ATRNL1: variants seen among roughly 807,000 people sequenced by gnomAD.
The protein encoded by ATRNL1 is attractin like 1.
Under a neutral mutation model 182.7 loss-of-function variants are expected in ATRNL1, and 95 were observed. The ratio of observed to expected loss-of-function variants is 0.52; its 90% CI spans 0.44 to 0.62. The LOEUF is 0.62. Ranked by LOEUF, ATRNL1 falls within the 20% of genes least tolerant of loss-of-function variation. ATRNL1 has a pLI of 0.00. For synonymous variants in ATRNL1, 576 were observed against 568.3 expected, an observed-to-expected ratio of 1.01 and a Z score of -0.19; for missense variants, 1,471 against 1,679.5, an observed-to-expected ratio of 0.88 and a Z score of 2.17.
chr10:115,873,559 A>G (rs1470435685), intron 28 of ATRNL1, among the ~76,000 whole-genome samples: 6 of 152,198 alleles, frequency 3.9e-5, no homozygotes, highest in Non-Finnish European at 8.8e-5. Flanking sequence ...ACATATAGGT[A>G]TATGTAGATT....
intron 26 of ATRNL1, among the ~76,000 whole-genome samples, chr10:115,607,500 C>A (rs1319422170): frequency 6.6e-6 from 1 of 151,688 alleles, no homozygotes; most frequent in East Asian, 1.9e-4. Flanking sequence ...ATTTCACAAG[C>A]AATAGTTATT....
chr10:115,743,779 A>G (rs1010082155), intron 27 of ATRNL1, among the ~76,000 whole-genome samples: 1 of 7,736 alleles, frequency 1.3e-4, no homozygotes. Flanking sequence ...TACTATGTGT[A>G]TTTTATTAAA....
At chr10:115,565,122 A>C (rs1555001292) in intron 26 of ATRNL1, among the ~76,000 whole-genome samples, 1 of 151,938 alleles carries the variant, frequency 6.6e-6, no homozygotes, top group African/African-American at 2.4e-5. Context: ...CAGCTATGTA[A>C]TTCTGAGAAA....
chr10:115,762,358 C>T (rs1019107837), intron 27 of ATRNL1, among the ~76,000 whole-genome samples: 6 of 152,086 alleles, frequency 3.9e-5, no homozygotes, highest in Non-Finnish European at 1.5e-5. Flanking sequence ...TGACCTCATC[C>T]ATGATGGCTA....
intron 27 of ATRNL1, among the ~76,000 whole-genome samples, chr10:115,836,577 A>T (rs1000752789): frequency 4.2e-4 from 64 of 152,128 alleles, no homozygotes; most frequent in Non-Finnish European, 7.1e-4. Flanking sequence ...TGGCTTGTAG[A>T]TGCATCACTG....
chr10:115,328,502 T>G (rs1855036618), intron 18 of ATRNL1, among the ~76,000 whole-genome samples: 1 of 152,260 alleles, frequency 6.6e-6, no homozygotes, highest in South Asian at 2.1e-4. Flanking sequence ...TTACTACTGT[T>G]CTTGTACTCT....
At chr10:115,319,220 G>A (rs758745527) in intron 18 of ATRNL1, among the ~76,000 whole-genome samples, 3 of 152,134 alleles carry the variant, frequency 2.0e-5, no homozygotes, top group African/African-American at 7.2e-5. Flanking sequence ...TCTTAATCCC[G>A]AGTTCTAATT....
intron 1 of ATRNL1, among the ~76,000 whole-genome samples, chr10:115,108,333 A>G (rs767719667): frequency 1.3e-5 from 2 of 152,170 alleles, no homozygotes; most frequent in African/African-American, 4.8e-5. Flanking sequence ...CACCAGGAAA[A>G]TTTAGGGCAT....
At chr10:115,859,172 A>G (rs572010986) in intron 28 of ATRNL1, among the ~76,000 whole-genome samples, 2 of 152,096 alleles carry the variant, frequency 1.3e-5, no homozygotes, top group African/African-American at 4.8e-5. Flanking sequence ...TCCAAATACC[A>G]TTATATTAGG....
At chr10:115,224,171 G>A (rs1003951622) in intron 9 of ATRNL1, among the ~76,000 whole-genome samples, 6 of 151,216 alleles carry the variant, frequency 4.0e-5, no homozygotes, top group Non-Finnish European at 5.9e-5. Context: ...TCTTGACCTC[G>A]TGATCTGCCC....
chr10:115,201,074 TG>T (rs1848556728), intron 8 of ATRNL1, among the ~76,000 whole-genome samples: 1 of 150,646 alleles, frequency 6.6e-6, no homozygotes, highest in Non-Finnish European at 1.5e-5. Context: ...TTGGTGGGCT[TG>T]TTTTTTTTTT....
chr10:115,627,423 G>A (rs1858175862), intron 26 of ATRNL1, among the ~76,000 whole-genome samples: 2 of 152,002 alleles, frequency 1.3e-5, no homozygotes, highest in South Asian at 4.2e-4. Context: ...GGAGTGCAGT[G>A]GTAAGACCTC....
At chr10:115,609,311 G>T (rs2025912) in intron 26 of ATRNL1, among the ~76,000 whole-genome samples, 71,385 of 151,856 alleles carry the variant, frequency 0.47, 17,410 homozygotes, top group Middle Eastern at 0.55. Context: ...GCCAGGATGG[G>T]TGCAGTTGAG....
intron 19 of ATRNL1, 38 bp from the exon 20 acceptor site, chr10:115,394,621 T>C: frequency 1.4e-6 from 2 of 1,394,914 alleles, no homozygotes; most frequent in Non-Finnish European, 2.0e-6. Context: ...ATGTTTGTGA[T>C]GTAGAATATT....
chr10:115,635,483 C>T (rs1858810112), intron 26 of ATRNL1, among the ~76,000 whole-genome samples: 1 of 152,028 alleles, frequency 6.6e-6, no homozygotes, highest in Non-Finnish European at 1.5e-5. Flanking sequence ...AAAGACAATA[C>T]AAGATTTGAA....
intron 28 of ATRNL1, among the ~76,000 whole-genome samples, chr10:115,889,494 C>CGCA (rs1565463834): frequency 6.6e-6 from 1 of 152,078 alleles, no homozygotes; most frequent in African/African-American, 2.4e-5. Context: ...ACGCACCACC[C>CGCA]GCAGTCAGTT....
At chr10:115,353,637 C>A (rs1050656287) in intron 19 of ATRNL1, among the ~76,000 whole-genome samples, 10 of 152,220 alleles carry the variant, frequency 6.6e-5, no homozygotes, top group Admixed American at 3.3e-4. Flanking sequence ...TGTACATTTT[C>A]TCTTCCTTTC....
Position 115,416,311 on chromosome 10 carries a change from T to TA in ATRNL1, c.3270-9936dup, listed in dbSNP as rs1266550036. On this transcript the variant is annotated intron_variant, in intron 20 of 28. Coordinates refer to ENST00000355044, the MANE Select transcript of ATRNL1 (RefSeq NM_207303.4). ...CTTTTTGGAGGTACCTGTGTTTCCT[T>TA]AAATGACACATGGAATTAAACTACC... 2.6e-5 allele frequency among the ~76,000 whole-genome samples: 4 copies of TA among 152,246 alleles called. No individual in the cohort carries two copies. In the South Asian group the frequency reaches 8.3e-4, roughly 32 times the overall value.
chr10:115,836,398 G>T (rs1950672313), intron 27 of ATRNL1, among the ~76,000 whole-genome samples: 1 of 152,176 alleles, frequency 6.6e-6, no homozygotes, highest in Non-Finnish European at 1.5e-5. Context: ...GACTGTATTA[G>T]CTCCTGAGGG....
Sources: gnomAD v4.1 joint callset for allele counts (sites outside exome capture counted in the v4.1 genomes callset) on GRCh38, gnomAD v4.1.1 for gene constraint, MANE v1.5 for transcripts, NCBI Gene and HGNC (gene_info 2026-07-23, HGNC 2026-07-21) for gene names.